The following DHX15 variants were observed in gnomAD, a reference collection of about 807,000 sequenced individuals.
DHX15 encodes ATP-dependent RNA helicase DHX15.
A neutral mutation model predicts 94.4 loss-of-function variants in DHX15; 11 were observed. The observed-to-expected ratio is 0.12, with a 90% confidence interval of 0.07 to 0.19. The LOEUF (loss-of-function observed/expected upper bound fraction) is 0.19, where lower values mean the gene tolerates loss of function less well. Among genes scored for constraint, DHX15 ranks in the 10% least tolerant of loss-of-function variants. DHX15 has a pLI of 1.00. For synonymous variants in DHX15, 338 were observed against 329.9 expected (o/e 1.02, Z -0.27); for missense variants, 304 against 988.5 (o/e 0.31, Z 9.29).
At chr4:24,571,667 T>C (rs1004577854) in intron 2 of DHX15, among the ~76,000 whole-genome samples, 2 of 152,178 alleles carry the variant, frequency 1.3e-5, no homozygotes, top group Non-Finnish European at 2.9e-5. Context: ...GCATAACTGG[T>C]TTACATCAAA....
chr4:24,543,533 G>T (rs1479762427), intron 6 of DHX15, among the ~76,000 whole-genome samples: 1 of 152,076 alleles, frequency 6.6e-6, no homozygotes. Flanking sequence ...AGTAAGAATG[G>T]ACAGATCAGC....
chr4:24,543,352 C>A (rs757559112), intron 6 of DHX15, among the ~76,000 whole-genome samples: 7 of 152,156 alleles, frequency 4.6e-5, no homozygotes, highest in Non-Finnish European at 1.0e-4. Context: ...ACGTGCCTTA[C>A]AAAACGTCTG....
rs957603225 is a variant in DHX15 at position 24,555,034 on chromosome 4, A to G, written c.862-91T>C. ...CAATATTTACTATTCTACATATATC[A>G]GCTATAAAAATGCCCATGAAAACCT... On this transcript the variant is annotated intron_variant, in intron 4 of 13. Transcript: ENST00000336812. 130 of 916,670 alleles carry G rather than the reference A, an allele frequency of 1.4e-4. 1 individual carries two copies. Among genetic ancestry groups the G allele is most frequent in the Admixed American group, 3.0e-4 (11 of 36,298 alleles). The allele number at this position is 916,670 out of a possible 1,614,324, so 56.8% of individuals were successfully genotyped here.
In DHX15 at chr4:24,584,543, G is replaced by A. The variant is rs1438875470; in HGVS notation, c.-150C>T. The A allele has an allele frequency of 2.7e-6, 2 of 745,432 alleles. No individual in the cohort carries two copies. Among genetic ancestry groups the A allele is most frequent in the Non-Finnish European group, 4.1e-6 (2 of 491,394 alleles). The allele number at this position is 745,432 out of a possible 1,614,324, so 46.2% of individuals were successfully genotyped here. Reference sequence around the variant, plus strand: ...GGCCGGAACCAACAGCTAAAATGGCGGCGGCGACGAGGGCTGGGCCTGCGC... The same window carrying A: ...GGCCGGAACCAACAGCTAAAATGGCAGCGGCGACGAGGGCTGGGCCTGCGC... On this transcript the variant is annotated 5_prime_UTR_variant, in exon 1 of 14. Transcript: ENST00000336812.
At chr4:24,574,223 A>AAAAAAAAAAAAAAAAAAAAAAAAT (rs1722191546) in intron 2 of DHX15, among the ~76,000 whole-genome samples, 1 of 150,262 alleles carries the variant, frequency 6.7e-6, no homozygotes, top group Non-Finnish European at 1.5e-5. Context: ...AAAAAAAAAA[A>AAAAAAAAAAAAAAAAAAAAAAAAT]AAAAAGTTAA....
At chr4:24,578,900 C>T (rs144097015) in intron 1 of DHX15, among the ~76,000 whole-genome samples, 17 of 152,160 alleles carry the variant, frequency 1.1e-4, no homozygotes, top group African/African-American at 3.6e-4. Flanking sequence ...TAGTACCAGG[C>T]AATTAAGACA....
chr4:24,550,018 G>A (rs902048844), intron 5 of DHX15, among the ~76,000 whole-genome samples: 46 of 144,478 alleles, frequency 3.2e-4, no homozygotes, highest in Non-Finnish European at 1.9e-4. Flanking sequence ...GCTTGAACCC[G>A]GGACGCAGGA....
intron 6 of DHX15, among the ~76,000 whole-genome samples, chr4:24,546,356 G>A (rs939288406): frequency 6.6e-6 from 1 of 152,150 alleles, no homozygotes; most frequent in African/African-American, 2.4e-5. Context: ...AGAAAAGTCA[G>A]CTATTTGTAT....
intron 3 of DHX15, among the ~76,000 whole-genome samples, chr4:24,559,389 A>AG (rs71196190): frequency 1.1e-4 from 17 of 150,820 alleles, no homozygotes; most frequent in African/African-American, 3.4e-4. Flanking sequence ...AAAAAAAAAA[A>AG]AAAAAAAGAA....
intron 3 of DHX15, among the ~76,000 whole-genome samples, chr4:24,558,714 G>A (rs562118805): frequency 7.2e-5 from 11 of 152,164 alleles, no homozygotes; most frequent in African/African-American, 2.4e-4. Context: ...GGATACTGCT[G>A]TTTGTACAAT....
chr4:24,582,372 T>C (rs968387731), intron 1 of DHX15, among the ~76,000 whole-genome samples: 1 of 152,242 alleles, frequency 6.6e-6, no homozygotes, highest in Admixed American at 6.5e-5. Context: ...TAAGGATATC[T>C]GTTTTTGCAA....
intron 12 of DHX15, among the ~76,000 whole-genome samples, chr4:24,532,522 C>T (rs1016166044): frequency 6.6e-6 from 1 of 152,136 alleles, no homozygotes; most frequent in Non-Finnish European, 1.5e-5. Context: ...ATGCACTGAT[C>T]AATATTCACA....
intron 2 of DHX15, among the ~76,000 whole-genome samples, chr4:24,574,501 T>C (rs1722199186): frequency 6.6e-6 from 1 of 152,124 alleles, no homozygotes; most frequent in African/African-American, 2.4e-5. Context: ...CTGACCTCCT[T>C]CTACACTAAC....
At chr4:24,549,204 A>G (rs185425725) in intron 5 of DHX15, among the ~76,000 whole-genome samples, 182 bp from the exon 6 acceptor site, 2 of 152,362 alleles carry the variant, frequency 1.3e-5, no homozygotes, top group East Asian at 3.9e-4. Flanking sequence ...AAACAATCCA[A>G]GAAACTTTCA....
chr4:24,574,022 CCT>C (rs1320471230), intron 2 of DHX15, among the ~76,000 whole-genome samples: 3 of 147,190 alleles, frequency 2.0e-5, no homozygotes, highest in Non-Finnish European at 3.0e-5. Context: ...AGGGTGAAAC[CCT>C]GTCTCTATTA....
intron 6 of DHX15, among the ~76,000 whole-genome samples, chr4:24,545,334 T>A (rs969468531): frequency 1.3e-5 from 2 of 152,224 alleles, no homozygotes; most frequent in African/African-American, 2.4e-5. Flanking sequence ...TTATAAAAAG[T>A]TAATTTTTCT....
chr4:24,541,224 G>C (rs961296338), intron 8 of DHX15, among the ~76,000 whole-genome samples: 1 of 152,092 alleles, frequency 6.6e-6, no homozygotes, highest in Non-Finnish European at 1.5e-5. Flanking sequence ...AATTTCCATG[G>C]TTTCAGTTAA....
chr4:24,551,291 C>T (rs1181115580), intron 5 of DHX15, among the ~76,000 whole-genome samples: 2 of 151,744 alleles, frequency 1.3e-5, no homozygotes, highest in Non-Finnish European at 2.9e-5. Flanking sequence ...CAGAAGCTAC[C>T]CTTGTCAACA....
Position 24,576,463 on chromosome 4 carries a change from T to C in DHX15, c.287A>G (p.His96Arg), listed in dbSNP as rs1722269243. The change falls in exon 2 of 14, where the codon CAT becomes CGT. Residue 96 changes from histidine (H) to arginine (R), a missense_variant. Around this residue, in one of 9 missense-constraint regions of DHX15, gnomAD observed 143 missense variants for 200.5 expected, o/e 0.71. Coordinates refer to ENST00000336812, the MANE Select transcript of DHX15 (RefSeq NM_001358.3). Reference protein sequence around the residue: ...THSAHSTHSTHSAHSTHAGHA... With the variant: ...THSAHSTHSTRSAHSTHAGHA... ...TCCGGCATGCGTTGAATGAGCAGAA[T>C]GTGTTGAATGCGTTGAATGTGCTGA... is the stretch of plus-strand genomic sequence containing the variant. 2 of 1,614,026 alleles carry C rather than the reference T, an allele frequency of 1.2e-6. No individual in the cohort carries two copies. The highest frequency in any genetic ancestry group is 1.3e-5 in the African/African-American group (1 of 74,916).
Sources: allele counts gnomAD v4.1 joint callset (sites outside exome capture counted in the v4.1 genomes callset), GRCh38; gene constraint gnomAD v4.1.1; regional missense constraint gnomAD v4.1.1; transcripts MANE v1.5; gene names NCBI Gene and HGNC (gene_info 2026-07-23, HGNC 2026-07-21).